Variants in CPQ observed in about 807,000 individuals in gnomAD.
CPQ encodes Ser-Met dipeptidase.
Under a neutral mutation model 45.7 loss-of-function variants are expected in CPQ, and 37 were observed. The observed-to-expected ratio is 0.81, with a 90% CI of 0.62 to 1.07. The LOEUF is 1.07. CPQ is among the 50% of genes least tolerant of loss of function. The pLI is 0.00. For missense variants in CPQ, 537 were observed against 572.9 expected (o/e 0.94, Z 0.64); for synonymous variants, 186 against 205.8 (o/e 0.90, Z 0.82).
intron 2 of CPQ, among the ~76,000 whole-genome samples, chr8:96,827,382 A>G (rs777138785): frequency 5.3e-5 from 8 of 151,984 alleles, no homozygotes; most frequent in Non-Finnish European, 1.2e-4. Flanking sequence ...TTTTCTGTCC[A>G]GCCTGATGTA....
At chr8:96,967,865 C>T (rs1813595892) in intron 5 of CPQ, among the ~76,000 whole-genome samples, 1 of 152,128 alleles carries the variant, frequency 6.6e-6, no homozygotes, top group East Asian at 1.9e-4. Context: ...CTCTGTGCCT[C>T]AATTTTCTCA....
At position 96,739,819 on chromosome 8, in the gene CPQ, A is replaced by G. The variant is rs1413926802; in HGVS notation, c.-34-45045A>G. Among the ~76,000 whole-genome samples, 515 of 150,516 alleles carry G rather than the reference A, an allele frequency of 3.4e-3. 5 individuals are homozygous for G. The highest frequency in any genetic ancestry group is 8.8e-3 in the Admixed American group (133 of 15,092). On this transcript the variant is annotated intron_variant, in intron 1 of 7. Transcript: ENST00000220763. Reference sequence around the variant, plus strand: ...GGGCTCTGTTCTGTTCCATTGATCTATATCTCTGTTTTGGTACCAGTACCA... The same window carrying G: ...GGGCTCTGTTCTGTTCCATTGATCTGTATCTCTGTTTTGGTACCAGTACCA...
At chr8:96,926,625 C>CTTCTTCTTCTTCTTCTTCTTCTTCTTCCT (rs59043894) in intron 4 of CPQ, among the ~76,000 whole-genome samples, 3 of 58,500 alleles carry the variant, frequency 5.1e-5, no homozygotes, top group African/African-American at 1.9e-4. Context: ...TTCTTCTTCT[C>CTTCTTCTTCTTCTTCTTCTTCTTCTTCCT]CTCCTTCTCC....
At chr8:96,743,878 A>G (rs1457445948) in intron 1 of CPQ, among the ~76,000 whole-genome samples, 1 of 152,216 alleles carries the variant, frequency 6.6e-6, no homozygotes, top group Non-Finnish European at 1.5e-5. Flanking sequence ...GCTCTCTTCA[A>G]AGCTGTCAGA....
chr8:97,037,734 G>A (rs1362923945), intron 6 of CPQ, among the ~76,000 whole-genome samples: 1 of 152,112 alleles, frequency 6.6e-6, no homozygotes, highest in Admixed American at 6.6e-5. Flanking sequence ...TTTTGAGTTT[G>A]CTTTCTCCTG....
intron 1 of CPQ, among the ~76,000 whole-genome samples, chr8:96,781,197 TA>T (rs1334472411): frequency 6.6e-6 from 1 of 152,176 alleles, no homozygotes; most frequent in Non-Finnish European, 1.5e-5. Context: ...TTTTAATCAT[TA>T]AAGTTGACAA....
intron 6 of CPQ, among the ~76,000 whole-genome samples, chr8:97,040,755 G>A (rs1036001350): frequency 2.4e-4 from 36 of 152,242 alleles, no homozygotes; most frequent in African/African-American, 7.7e-4. Context: ...TTTCCCCATT[G>A]CTTGTTTTTC....
intron 7 of CPQ, among the ~76,000 whole-genome samples, chr8:97,102,905 G>A: frequency 6.6e-6 from 1 of 152,178 alleles, no homozygotes; most frequent in Non-Finnish European, 1.5e-5. Context: ...TCAGAAATCT[G>A]CTTCACTGGG....
At chr8:97,021,052 G>A (rs11985013) in intron 5 of CPQ, among the ~76,000 whole-genome samples, 3,358 of 152,216 alleles carry the variant, frequency 0.022, 129 homozygotes, top group African/African-American at 0.076. Flanking sequence ...TACCAGGGAC[G>A]CAGGAATGGT....
chr8:96,878,724 C>CT (rs763845915), intron 3 of CPQ, among the ~76,000 whole-genome samples: 1 of 152,146 alleles, frequency 6.6e-6, no homozygotes, highest in Non-Finnish European at 1.5e-5. Context: ...ACTGGAGCTG[C>CT]TTCTATAGGA....
chr8:97,047,928 G>C (rs972136805), intron 6 of CPQ, among the ~76,000 whole-genome samples: 4 of 152,140 alleles, frequency 2.6e-5, no homozygotes, highest in African/African-American at 9.7e-5. Context: ...TTTGAGAGAT[G>C]GAAATAATGC....
At chr8:96,783,568 C>T (rs181943450) in intron 1 of CPQ, among the ~76,000 whole-genome samples, 17 of 152,174 alleles carry the variant, frequency 1.1e-4, no homozygotes, top group South Asian at 4.2e-4. Context: ...CTTATAATAC[C>T]GTCACAAGCG....
At chr8:97,113,383 A>G (rs1396982649) in intron 7 of CPQ, among the ~76,000 whole-genome samples, 2 of 152,304 alleles carry the variant, frequency 1.3e-5, no homozygotes, top group East Asian at 1.9e-4. Flanking sequence ...CAGGACTTTA[A>G]TGTGTTTTAG....
chr8:96,988,251 A>G (rs1325157141), intron 5 of CPQ, among the ~76,000 whole-genome samples: 2 of 152,182 alleles, frequency 1.3e-5, no homozygotes, highest in African/African-American at 4.8e-5. Context: ...ATCTTTCCTC[A>G]GTGATATTAA....
chr8:96,711,623 C>G (rs1309072417), intron 1 of CPQ, among the ~76,000 whole-genome samples: 1 of 152,062 alleles, frequency 6.6e-6, no homozygotes, highest in Non-Finnish European at 1.5e-5. Context: ...GGAAAAACAC[C>G]TTATAAAACC....
chr8:97,135,889 A>T (rs1563591429), intron 7 of CPQ, among the ~76,000 whole-genome samples: 1 of 152,206 alleles, frequency 6.6e-6, no homozygotes, highest in Non-Finnish European at 1.5e-5. Flanking sequence ...CAAATTGCTT[A>T]ATTTGTGTAC....
At chr8:97,024,485 G>T (rs2042998794) in intron 5 of CPQ, among the ~76,000 whole-genome samples, 1 of 152,114 alleles carries the variant, frequency 6.6e-6, no homozygotes, top group Admixed American at 6.5e-5. Flanking sequence ...GACACCAAGG[G>T]ATTCTTCCAA....
intron 1 of CPQ, among the ~76,000 whole-genome samples, chr8:96,716,608 C>T (rs1372931014): frequency 6.6e-6 from 1 of 152,098 alleles, no homozygotes; most frequent in Non-Finnish European, 1.5e-5. Context: ...AGTTACTTAA[C>T]TTAGAATAAT....
At chr8:96,676,244 T>A (rs1809075334) in intron 1 of CPQ, among the ~76,000 whole-genome samples, 1 of 151,960 alleles carries the variant, frequency 6.6e-6, no homozygotes, top group South Asian at 2.1e-4. Context: ...ATAACCAATC[T>A]CTCTTCATCC....
Sources: allele counts gnomAD v4.1 joint callset (sites outside exome capture counted in the v4.1 genomes callset), GRCh38; gene constraint gnomAD v4.1.1; transcripts MANE v1.5; gene names NCBI Gene and HGNC (gene_info 2026-07-23, HGNC 2026-07-21).